Variants in SLC24A3 observed in about 807,000 individuals in gnomAD.
SLC24A3 encodes sodium/potassium/calcium exchanger 3.
SLC24A3 carries 28 observed loss-of-function variants against 75.8 expected under a neutral mutation model. That is an observed-to-expected ratio of 0.37 (90% CI 0.27 to 0.51). SLC24A3 has a LOEUF of 0.51. Ranked by LOEUF, SLC24A3 falls within the 20% of genes least tolerant of loss-of-function variation. The pLI is 0.94. For missense variants in SLC24A3, 663 were observed against 847.8 expected (o/e 0.78, Z 2.71); for synonymous variants, 372 against 334.1 (o/e 1.11, Z -1.24).
At chr20:19,595,249 T>TGTGA (rs2031437156) in intron 6 of SLC24A3, among the ~76,000 whole-genome samples, 1 of 152,188 alleles carries the variant, frequency 6.6e-6, no homozygotes, top group African/African-American at 2.4e-5. Flanking sequence ...TGTGCTAGGC[T>TGTGA]GTGAGCTCCC....
chr20:19,663,920 C>A (rs554197906), intron 7 of SLC24A3, among the ~76,000 whole-genome samples: 50 of 152,272 alleles, frequency 3.3e-4, no homozygotes, highest in African/African-American at 8.4e-4. Flanking sequence ...GTACTTTCTT[C>A]CAGGGTGAGC....
intron 2 of SLC24A3, among the ~76,000 whole-genome samples, chr20:19,498,800 T>C (rs1988337700): frequency 6.6e-6 from 1 of 152,206 alleles, no homozygotes; most frequent in African/African-American, 2.4e-5. Flanking sequence ...TTAAGACTGG[T>C]TAAATCTTTG....
chr20:19,667,359 A>T (rs1054718725), intron 8 of SLC24A3, among the ~76,000 whole-genome samples: 2 of 152,198 alleles, frequency 1.3e-5, no homozygotes, highest in African/African-American at 4.8e-5. Flanking sequence ...CCTCCTTGTT[A>T]TATCATCCTG....
At chr20:19,307,292 C>A (rs1254891496) in intron 2 of SLC24A3, among the ~76,000 whole-genome samples, 1 of 151,974 alleles carries the variant, frequency 6.6e-6, no homozygotes, top group South Asian at 2.1e-4. Flanking sequence ...CAATGGTCAC[C>A]CCCCTTTGAA....
intron 8 of SLC24A3, among the ~76,000 whole-genome samples, chr20:19,670,483 A>C (rs2032453369): frequency 6.6e-6 from 1 of 152,258 alleles, no homozygotes; most frequent in African/African-American, 2.4e-5. Flanking sequence ...GCTTTTGATG[A>C]GTAAAAAATT....
chr20:19,507,866 G>A lies in SLC24A3; in HGVS notation c.272-7622G>A, dbSNP rs556567503. On this transcript the variant is annotated intron_variant, in intron 2 of 16. Coordinates refer to ENST00000328041, the MANE Select transcript of SLC24A3 (RefSeq NM_020689.4). ...TACAAAACCACTTCCTGAGAGAAAG[G>A]CCCTCTGCATTCAGTCACACTTGAT... 5.3e-5 allele frequency among the ~76,000 whole-genome samples: 8 copies of A among 152,234 alleles called. No homozygotes were observed. In the South Asian group the frequency reaches 8.3e-4, roughly 16 times the overall value.
intron 2 of SLC24A3, among the ~76,000 whole-genome samples, chr20:19,398,226 A>T (rs1986490743): frequency 6.6e-6 from 1 of 151,978 alleles, no homozygotes; most frequent in Non-Finnish European, 1.5e-5. Flanking sequence ...GACTGTTGGG[A>T]TTTTGATTGG....
chr20:19,693,645 C>G, intron 13 of SLC24A3: 3 of 531,404 alleles, frequency 5.6e-6, no homozygotes, highest in Non-Finnish European at 3.1e-6. Context: ...TTAGCTGGGA[C>G]CTGCTATGCA....
intron 2 of SLC24A3, among the ~76,000 whole-genome samples, chr20:19,410,703 G>A (rs1258157778): frequency 6.6e-6 from 1 of 152,178 alleles, no homozygotes; most frequent in African/African-American, 2.4e-5. Context: ...CATAATAGGT[G>A]CTCAGTAAAC....
chr20:19,359,106 C>T (rs1174544370), intron 2 of SLC24A3, among the ~76,000 whole-genome samples: 1 of 152,140 alleles, frequency 6.6e-6, no homozygotes, highest in Non-Finnish European at 1.5e-5. Context: ...GGTTTGAACA[C>T]CTGAATTTAC....
intron 3 of SLC24A3, among the ~76,000 whole-genome samples, chr20:19,553,528 C>T (rs1012384091): frequency 2.0e-5 from 3 of 152,122 alleles, no homozygotes; most frequent in African/African-American, 7.2e-5. Context: ...TGGAATAATC[C>T]TTCCTTCTCC....
At chr20:19,437,784 C>T (rs111244411) in intron 2 of SLC24A3, among the ~76,000 whole-genome samples, 9 of 152,146 alleles carry the variant, frequency 5.9e-5, no homozygotes, top group African/African-American at 2.2e-4. Flanking sequence ...TCCTGTGCTC[C>T]TCAAGTGCGT....
chr20:19,693,029 C>A (rs6046253), intron 12 of SLC24A3, among the ~76,000 whole-genome samples: 2 of 152,134 alleles, frequency 1.3e-5, no homozygotes, highest in African/African-American at 4.8e-5. Context: ...TTTCGGAGAC[C>A]TAATCAGCAG....
chr20:19,281,209 A>G, intron 2 of SLC24A3, 122 bp downstream of exon 2: 2 of 1,413,388 alleles, frequency 1.4e-6, no homozygotes, highest in Non-Finnish European at 1.9e-6. Flanking sequence ...GATGTTTAGG[A>G]TGGGAGTCTA....
intron 2 of SLC24A3, among the ~76,000 whole-genome samples, chr20:19,486,113 A>G (rs1988123735): frequency 6.6e-6 from 1 of 152,190 alleles, no homozygotes; most frequent in Non-Finnish European, 1.5e-5. Context: ...ACTCACCAGC[A>G]TGCATGCCCC....
intron 2 of SLC24A3, among the ~76,000 whole-genome samples, chr20:19,295,839 C>G (rs1373298032): frequency 6.6e-6 from 1 of 151,870 alleles, no homozygotes; most frequent in African/African-American, 2.4e-5. Flanking sequence ...GTATCTCTGC[C>G]AGGTTTTGGT....
chr20:19,493,617 G>A (rs1205333768), intron 2 of SLC24A3, among the ~76,000 whole-genome samples: 1 of 152,224 alleles, frequency 6.6e-6, no homozygotes, highest in Non-Finnish European at 1.5e-5. Context: ...GTCATCAGAT[G>A]TCAGGGGGTG....
intron 2 of SLC24A3, among the ~76,000 whole-genome samples, chr20:19,492,737 A>G (rs1183289607): frequency 6.6e-6 from 1 of 152,184 alleles, no homozygotes; most frequent in Non-Finnish European, 1.5e-5. Context: ...ATTTTATTAT[A>G]TCTGTTTCAT....
intron 3 of SLC24A3, among the ~76,000 whole-genome samples, chr20:19,543,265 C>T (rs73281368): frequency 0.011 from 1,720 of 152,274 alleles, 36 homozygotes; most frequent in African/African-American, 0.039. Context: ...CTAATCCTCA[C>T]GTGGGTGTTA....
Sources: allele counts gnomAD v4.1 joint callset (sites outside exome capture counted in the v4.1 genomes callset), GRCh38; gene constraint gnomAD v4.1.1; transcripts MANE v1.5; gene names NCBI Gene and HGNC (gene_info 2026-07-23, HGNC 2026-07-21).